WASHC3: variants seen among roughly 807,000 people sequenced by gnomAD.
WASHC3 encodes WASH complex subunit 3, also known as WASH complex subunit CCDC53.
WASHC3 carries 24 observed loss-of-function variants against 26.1 expected under a neutral mutation model. That is an observed-to-expected ratio of 0.92 (90% CI 0.66 to 1.29). The LOEUF (loss-of-function observed/expected upper bound fraction) is 1.29, where lower values mean the gene tolerates loss of function less well. Ranked by LOEUF, WASHC3 falls within the 50% of genes most tolerant of loss-of-function variation. The pLI is 0.00. For missense variants in WASHC3, 214 were observed against 229.6 expected (o/e 0.93, Z 0.44); for synonymous variants, 77 against 75.7 (o/e 1.02, Z -0.09).
At chr12:102,044,992 T>C (rs536327491) in intron 3 of WASHC3, among the ~76,000 whole-genome samples, 3 of 152,314 alleles carry the variant, frequency 2.0e-5, no homozygotes, top group Non-Finnish European at 4.4e-5. Context: ...CTTGTCCATA[T>C]GGTCATTTAA....
chr12:102,046,072 G>T lies in WASHC3; in HGVS notation c.198C>A (p.Leu66=). 1 of 1,594,198 alleles carries T rather than the reference G, an allele frequency of 6.3e-7. No homozygotes were observed. The highest frequency in any genetic ancestry group is 1.1e-5 in the South Asian group (1 of 88,404). Residue 66 remains leucine, a synonymous_variant, in exon 3 of 7, where the codon CTC becomes CTA. Coordinates refer to ENST00000240079, the MANE Select transcript of WASHC3 (RefSeq NM_016053.4). ...SLRIQQIETT[L]NILDAKLSSI... ...TACCAACCTTTGCATCTAAAATATTGAGAGTTGTTTCAATTTGTTGGATAC... is the reference window on the plus strand; with the variant it reads ...TACCAACCTTTGCATCTAAAATATTTAGAGTTGTTTCAATTTGTTGGATAC...
rs12580318 is a variant in WASHC3, at chr12:102,020,589, A to G, written c.500+5385T>C. ...GATAAAGAGTTTAAAAACATTTTTC[A>G]TTTTCTAGACACTTAAAGACACTGA... On this transcript the variant is annotated intron_variant, in intron 6 of 6. Transcript: ENST00000240079. Among the ~76,000 whole-genome samples the G allele has an allele frequency of 1.1e-3, 164 of 152,290 alleles. 2 individuals carry two copies. In the East Asian group the frequency reaches 0.029, roughly 27 times the overall value.
chr12:102,029,329 C>CA (rs1877333830), intron 5 of WASHC3, among the ~76,000 whole-genome samples: 1 of 152,104 alleles, frequency 6.6e-6, no homozygotes, highest in Non-Finnish European at 1.5e-5. Flanking sequence ...GTGAAAATGA[C>CA]AGTGTGTCCA....
chr12:102,049,153 G>A (rs1878287194), intron 2 of WASHC3, among the ~76,000 whole-genome samples: 1 of 152,208 alleles, frequency 6.6e-6, no homozygotes, highest in Non-Finnish European at 1.5e-5. Context: ...CTTTGCTGCA[G>A]GGGACTGTCC....
rs1876554162 is a variant in WASHC3, at chr12:102,013,194, T to A, written c.501-2A>T. On this transcript the variant is annotated splice_acceptor_variant, in intron 6 of 6. Coordinates refer to ENST00000240079, the MANE Select transcript of WASHC3 (RefSeq NM_016053.4). LOFTEE classifies it high-confidence loss of function. Reference sequence around the variant, plus strand: ...TCAGGCACTGGAGCATCTGGCCTCCTAAAAGAAAAGAAAAAAAAATTTCAA... The same window carrying A: ...TCAGGCACTGGAGCATCTGGCCTCCAAAAAGAAAAGAAAAAAAAATTTCAA... The A allele has an allele frequency of 1.3e-6, 2 of 1,494,076 alleles. No individual in the cohort carries two copies. Among genetic ancestry groups the A allele is most frequent in the Admixed American group, 2.1e-5 (1 of 47,970 alleles). The allele number at this position is 1,494,076 out of a possible 1,614,324, so 92.6% of individuals were successfully genotyped here.
In WASHC3 at chr12:102,013,060, G is replaced by T; in HGVS notation, c.*48C>A. Reference sequence around the variant, plus strand: ...GTTCAGGCTCAATCTCTTACAGAATGTAAATGTACCCCTATGCATGCATAT... The same window carrying T: ...GTTCAGGCTCAATCTCTTACAGAATTTAAATGTACCCCTATGCATGCATAT... On this transcript the variant is annotated 3_prime_UTR_variant, in exon 7 of 7. Coordinates refer to ENST00000240079, the MANE Select transcript of WASHC3 (RefSeq NM_016053.4). 1 of 832,188 alleles carries T rather than the reference G, an allele frequency of 1.2e-6. No individual in the cohort carries two copies. The highest frequency in any genetic ancestry group is 2.0e-6 in the Non-Finnish European group (1 of 507,960). The allele number at this position is 832,188 out of a possible 1,614,324, so 51.6% of individuals were successfully genotyped here.
In WASHC3 at chr12:102,031,506, AT is replaced by A. The variant is rs572493050; in HGVS notation, c.436-5469del. ...CTAACTTACTTAGTTCATGGGAAGA[AT>A]AAAATATTTTTACTTAAAATTTTCA... On this transcript the variant is annotated intron_variant, in intron 5 of 6. Coordinates refer to ENST00000240079, the MANE Select transcript of WASHC3 (RefSeq NM_016053.4). 2.9e-3 allele frequency among the ~76,000 whole-genome samples: 436 copies of A among 152,338 alleles called. 2 individuals carry two copies. The highest frequency in any genetic ancestry group is 9.5e-3 in the African/African-American group (397 of 41,576).
At chr12:102,045,080 C>T (rs960405143) in intron 3 of WASHC3, among the ~76,000 whole-genome samples, 8 of 151,812 alleles carry the variant, frequency 5.3e-5, no homozygotes, top group African/African-American at 1.9e-4. Context: ...AAATAAGACA[C>T]ATATTCATTA....
chr12:102,016,925 T>A (rs1206380288), intron 6 of WASHC3, among the ~76,000 whole-genome samples: 3 of 152,222 alleles, frequency 2.0e-5, no homozygotes, highest in African/African-American at 7.2e-5. Flanking sequence ...AAAAAATTTT[T>A]AAAAATAAAT....
At chr12:102,050,133 G>A (rs988154039) in intron 2 of WASHC3, 2 of 321,668 alleles carry the variant, frequency 6.2e-6, no homozygotes, top group Non-Finnish European at 1.2e-5. Flanking sequence ...GGCAACATAG[G>A]GAAACCCTGT....
At chr12:102,045,801 C>T (rs1398007561) in intron 3 of WASHC3, among the ~76,000 whole-genome samples, 1 of 152,236 alleles carries the variant, frequency 6.6e-6, no homozygotes, top group Non-Finnish European at 1.5e-5. Context: ...AGCTTGTTAA[C>T]ATGTTACTCG....
chr12:102,020,399 A>G (rs1301531489), intron 6 of WASHC3, among the ~76,000 whole-genome samples: 11 of 152,166 alleles, frequency 7.2e-5, no homozygotes, highest in Admixed American at 7.2e-4. Context: ...CCCTTCTTAT[A>G]TAAGCTAGTT....
intron 4 of WASHC3, among the ~76,000 whole-genome samples, chr12:102,042,210 C>G (rs1877967083): frequency 6.6e-6 from 1 of 152,094 alleles, no homozygotes. Context: ...TTAAACTCCT[C>G]TACAACATCT....
chr12:102,027,775 G>T, intron 5 of WASHC3, among the ~76,000 whole-genome samples: 1 of 152,082 alleles, frequency 6.6e-6, no homozygotes, highest in African/African-American at 2.4e-5. Context: ...TCTCATGAGA[G>T]GTAGCAAAGG....
chr12:102,028,764 TATAAGAATAATAAGAATTATATA>T (rs1411474836), intron 5 of WASHC3, among the ~76,000 whole-genome samples: 12 of 150,260 alleles, frequency 8.0e-5, no homozygotes, highest in Admixed American at 4.6e-4. Context: ...TAATAAGAAT[TATAAGAATAATAAGAATTATATA>T]ATAAGAATAA....
intron 5 of WASHC3, among the ~76,000 whole-genome samples, chr12:102,028,781 TTATA>T (rs1444636954): frequency 4.0e-5 from 6 of 149,920 alleles, no homozygotes; most frequent in Non-Finnish European, 8.9e-5. Context: ...ATAATAAGAA[TTATA>T]TAATAAGAAT....
At chr12:102,041,519 C>G (rs1240709658) in intron 4 of WASHC3, among the ~76,000 whole-genome samples, 2 of 152,002 alleles carry the variant, frequency 1.3e-5, no homozygotes, top group African/African-American at 4.8e-5. Flanking sequence ...AATCAGTACA[C>G]AAACCTTGGG....
intron 4 of WASHC3, among the ~76,000 whole-genome samples, chr12:102,042,320 T>C (rs1326178018): frequency 6.6e-6 from 1 of 152,150 alleles, no homozygotes; most frequent in African/African-American, 2.4e-5. Flanking sequence ...ATTAAGTAAA[T>C]GATCATCTAA....
chr12:102,053,726 G>A (rs1193819222), intron 2 of WASHC3, among the ~76,000 whole-genome samples: 1 of 151,776 alleles, frequency 6.6e-6, no homozygotes, highest in African/African-American at 2.4e-5. Context: ...AAATGTAACA[G>A]AAAGATTGGA....
Sources: gnomAD v4.1 joint callset for allele counts (sites outside exome capture counted in the v4.1 genomes callset) on GRCh38, gnomAD v4.1.1 for gene constraint, MANE v1.5 for transcripts, NCBI Gene and HGNC (gene_info 2026-07-23, HGNC 2026-07-21) for gene names.